The following CD300A variants were observed in gnomAD, a reference collection of about 807,000 sequenced individuals.
CD300A encodes the protein CD300a molecule.
CD300A carries 22 observed loss-of-function variants against 33.6 expected under a neutral mutation model. The ratio of observed to expected loss-of-function variants is 0.66; its 90% CI spans 0.47 to 0.94. The LOEUF is 0.94. Among genes scored for constraint, CD300A ranks in the 40% least tolerant of loss-of-function variants. The pLI, the probability that CD300A is intolerant of heterozygous loss-of-function variation, is 0.00. For missense variants in CD300A, 326 were observed against 360.5 expected, an observed-to-expected ratio of 0.90 and a Z score of 0.77; for synonymous variants, 136 against 148.1, an observed-to-expected ratio of 0.92 and a Z score of 0.59.
At chr17:74,476,795 T>C (rs947470933) in intron 3 of CD300A, among the ~76,000 whole-genome samples, 2 of 152,138 alleles carry the variant, frequency 1.3e-5, no homozygotes, top group Non-Finnish European at 2.9e-5. Context: ...TAGGAAAGAG[T>C]GAGGGACTTC....
At position 74,473,869 on chromosome 17, in the gene CD300A, T is replaced by TC; in HGVS notation, c.377dup (p.Ala127GlyfsTer46). On this transcript the variant is annotated frameshift_variant, in exon 2 of 7. Coordinates refer to ENST00000360141, the MANE Select transcript of CD300A (RefSeq NM_007261.4). LOFTEE classifies it high-confidence loss of function. ...GTTGTCGAGGTTGAGGTGTCCGTGT[T>TC]CCCGGGTGAGCCCCTCCTTCCCTCA... The TC allele has an allele frequency of 1.2e-6, 2 of 1,608,718 alleles. No individual in the cohort carries two copies. Among genetic ancestry groups the TC allele is most frequent in the Non-Finnish European group, 1.7e-6 (2 of 1,175,574 alleles).
At position 74,474,574 on chromosome 17, in the gene CD300A, C is replaced by A; in HGVS notation, c.422C>A (p.Thr141Asn). 6.2e-7 allele frequency: 1 copy of A among 1,614,196 alleles called. No individual in the cohort carries two copies. Among genetic ancestry groups the A allele is most frequent in the South Asian group, 1.1e-5 (1 of 91,088 alleles). The change falls in exon 3 of 7, where the codon ACC becomes AAC. Residue 141 changes from threonine to asparagine, a missense_variant. Thr to Asn is a moderately conservative substitution (Grantham distance 65). Coordinates refer to ENST00000360141, the MANE Select transcript of CD300A (RefSeq NM_007261.4). Reference protein sequence around the residue: ...MTPASITAAKTSTITTAFPPV... With the variant: ...MTPASITAAKNSTITTAFPPV... ...CCTGCAAGTATCACTGCGGCCAAGA[C>A]CTCAACAATCACAACTGCATTTCCA...
At chr17:74,482,138 C>A (rs1403028291) in intron 6 of CD300A, among the ~76,000 whole-genome samples, 1 of 152,010 alleles carries the variant, frequency 6.6e-6, no homozygotes, top group African/African-American at 2.4e-5. Context: ...CCTGTGACTT[C>A]TCACTGTTTT....
intron 6 of CD300A, among the ~76,000 whole-genome samples, chr17:74,482,182 T>TC (rs35343882): frequency 0.3 from 45,448 of 151,520 alleles, 7,292 homozygotes; most frequent in East Asian, 0.54. Flanking sequence ...AATTCTGCTT[T>TC]CGGGTTTTTG....
At chr17:74,470,218 C>T (rs757723163) in intron 1 of CD300A, 37 of 985,412 alleles carry the variant, frequency 3.8e-5, no homozygotes, top group Non-Finnish European at 4.5e-5. Flanking sequence ...CCTGGGAGCA[C>T]TGGGGATCCA....
At chr17:74,482,857 C>A (rs1363881118) in intron 6 of CD300A, among the ~76,000 whole-genome samples, 1 of 151,208 alleles carries the variant, frequency 6.6e-6, no homozygotes, top group Non-Finnish European at 1.5e-5. Flanking sequence ...ACTACAGACA[C>A]CTGCCACTAC....
intron 6 of CD300A, 40 bp downstream of exon 6, chr17:74,481,873 G>A (rs1209084089): frequency 6.7e-7 from 1 of 1,482,720 alleles, no homozygotes; most frequent in Non-Finnish European, 9.2e-7. Flanking sequence ...GCGGCCCCTG[G>A]GCTGTGCCAG....
intron 1 of CD300A, 136 bp downstream of exon 1, chr17:74,466,879 C>T: frequency 6.6e-7 from 1 of 1,515,084 alleles, no homozygotes; most frequent in African/African-American, 1.4e-5. Context: ...GCTCTGTCTA[C>T]CACATAAGAT....
chr17:74,478,391 TC>T (rs1906622147), intron 4 of CD300A, among the ~76,000 whole-genome samples: 1 of 152,162 alleles, frequency 6.6e-6, no homozygotes, highest in Non-Finnish European at 1.5e-5. Flanking sequence ...ATTCAGTATC[TC>T]CAGCTGCAAC....
At chr17:74,471,257 G>A (rs1402211410) in intron 1 of CD300A, among the ~76,000 whole-genome samples, 2 of 152,176 alleles carry the variant, frequency 1.3e-5, no homozygotes, top group African/African-American at 4.8e-5. Flanking sequence ...TTTATGTAGA[G>A]AATTTCTGCA....
intron 1 of CD300A, among the ~76,000 whole-genome samples, chr17:74,472,048 C>T (rs1406787493): frequency 1.3e-5 from 2 of 152,050 alleles, no homozygotes; most frequent in African/African-American, 4.8e-5. Context: ...CGAGACCAGC[C>T]AGGCCAACAT....
At chr17:74,477,110 T>C (rs1474288586) in intron 3 of CD300A, among the ~76,000 whole-genome samples, 3 of 152,206 alleles carry the variant, frequency 2.0e-5, no homozygotes, top group Admixed American at 6.5e-5. Flanking sequence ...CTCATGCCTG[T>C]CATCCCAGCA....
rs760033750 is a variant in CD300A at position 74,473,579 on chromosome 17, G to C, written c.84G>C (p.Val28=). ...LSKCRTVAGP[V]GGSLSVQCPY... ...AATGCAGGACCGTGGCGGGCCCCGTGGGGGGATCCCTGAGTGTGCAGTGTC... is the reference window on the plus strand; with the variant it reads ...AATGCAGGACCGTGGCGGGCCCCGTCGGGGGATCCCTGAGTGTGCAGTGTC... Residue 28 remains valine, a synonymous_variant, in exon 2 of 7, where the codon GTG becomes GTC. Coordinates refer to ENST00000360141, the MANE Select transcript of CD300A (RefSeq NM_007261.4). 17 of 1,613,824 alleles carry C rather than the reference G, an allele frequency of 1.1e-5. No homozygotes were observed. In the African/African-American group the frequency reaches 1.1e-4, roughly 10 times the overall value.
intron 3 of CD300A, among the ~76,000 whole-genome samples, chr17:74,475,506 C>T (rs1271976018): frequency 6.6e-6 from 1 of 152,190 alleles, no homozygotes; most frequent in Admixed American, 6.5e-5. Context: ...TTGAGTTCTC[C>T]TCTCTAAATA....
At chr17:74,466,938 T>C in intron 1 of CD300A, 195 bp downstream of exon 1, 1 of 1,441,282 alleles carries the variant, frequency 6.9e-7, no homozygotes, top group Non-Finnish European at 9.1e-7. Flanking sequence ...CCAGGGCCTC[T>C]CCCGGCTCTG....
rs771248555 is a variant in CD300A at position 74,473,570 on chromosome 17, G to A, written c.75G>A (p.Ala25=). 2.1e-5 allele frequency: 34 copies of A among 1,613,844 alleles called. No individual in the cohort carries two copies. Among genetic ancestry groups the A allele is most frequent in the African/African-American group, 9.3e-5 (7 of 74,928 alleles). Residue 25 remains alanine, a synonymous_variant, in exon 2 of 7, where the codon GCG becomes GCA. Transcript: ENST00000360141. ...CFALSKCRTV[A]GPVGGSLSVQ... Reference sequence around the variant, plus strand: ...CTCTGAGCAAATGCAGGACCGTGGCGGGCCCCGTGGGGGGATCCCTGAGTG... The same window carrying A: ...CTCTGAGCAAATGCAGGACCGTGGCAGGCCCCGTGGGGGGATCCCTGAGTG...
rs547268317 is a variant in CD300A at position 74,480,131 on chromosome 17, G to A, written c.629-1158G>A. On this transcript the variant is annotated intron_variant, in intron 4 of 6. Coordinates refer to ENST00000360141, the MANE Select transcript of CD300A (RefSeq NM_007261.4). This position sits in a 1 kb window ranked among gnomAD's most constrained non-coding sequence, Gnocchi z 4.2. ...ACAGGGAGGGCAGTGTGGTGCCTGCGCACAGCACTTGGAAGCAGGGCACTT... is the reference window on the plus strand; with the variant it reads ...ACAGGGAGGGCAGTGTGGTGCCTGCACACAGCACTTGGAAGCAGGGCACTT... Among the ~76,000 whole-genome samples the A allele has an allele frequency of 2.0e-5, 3 of 152,290 alleles. No individual in the cohort carries two copies. The highest frequency in any genetic ancestry group is 1.9e-4 in the East Asian group (1 of 5,174).
In CD300A at chr17:74,481,363, G is replaced by T. The variant is rs1349487012; in HGVS notation, c.666+37G>T. The T allele has an allele frequency of 3.7e-6, 6 of 1,603,756 alleles. No homozygotes were observed. In the Admixed American group the frequency reaches 6.7e-5, roughly 18 times the overall value. On this transcript the variant is annotated intron_variant, in intron 5 of 6. Coordinates refer to ENST00000360141, the MANE Select transcript of CD300A (RefSeq NM_007261.4). Reference sequence around the variant, plus strand: ...TTAGCAGGAGGTGTATCAGGTGGCTGGGCGGAGGGTACAGAGGCTGCTGGG... The same window carrying T: ...TTAGCAGGAGGTGTATCAGGTGGCTTGGCGGAGGGTACAGAGGCTGCTGGG...
chr17:74,471,518 T>C (rs1378152553), intron 1 of CD300A, among the ~76,000 whole-genome samples: 1 of 152,226 alleles, frequency 6.6e-6, no homozygotes, highest in Non-Finnish European at 1.5e-5. Flanking sequence ...CACCACTCTA[T>C]AGACAAGGTG....
Sources: gnomAD v4.1 joint callset for allele counts (sites outside exome capture counted in the v4.1 genomes callset) on GRCh38, gnomAD v4.1.1 for gene constraint, Gnocchi (gnomAD v3.1) non-coding constraint, MANE v1.5 for transcripts, NCBI Gene and HGNC (gene_info 2026-07-23, HGNC 2026-07-21) for gene names.